GRIN2A: variants seen among roughly 807,000 people sequenced by gnomAD.
The protein encoded by GRIN2A is glutamate ionotropic receptor NMDA type subunit 2A.
A neutral mutation model predicts 113.4 loss-of-function variants in GRIN2A; 22 were observed. The observed-to-expected ratio is 0.19, with a 90% CI of 0.14 to 0.28. GRIN2A has a LOEUF of 0.28. Among genes scored for constraint, GRIN2A ranks in the 10% least tolerant of loss-of-function variants. GRIN2A has a pLI of 1.00. For missense variants in GRIN2A, 1,502 were observed against 1,887.0 expected, an observed-to-expected ratio of 0.80 and a Z score of 3.78; for synonymous variants, 827 against 738.4, an observed-to-expected ratio of 1.12 and a Z score of -1.94.
At chr16:9,835,442 A>T (rs1245139829) in intron 7 of GRIN2A, among the ~76,000 whole-genome samples, 13 of 152,290 alleles carry the variant, frequency 8.5e-5, no homozygotes, top group Non-Finnish European at 1.8e-4. Context: ...ATTACTATTC[A>T]ACTTGATTGA....
chr16:10,028,601 T>C lies in GRIN2A; in HGVS notation c.415-90050A>G, dbSNP rs574434196. Among the ~76,000 whole-genome samples the C allele has an allele frequency of 5.8e-3, 884 of 152,284 alleles. 4 individuals carry two copies. Among genetic ancestry groups the C allele is most frequent in the Non-Finnish European group, 7.8e-3 (529 of 68,030 alleles). On this transcript the variant is annotated intron_variant, in intron 2 of 12. Transcript: ENST00000330684. ...GAGCCACAAGATAGTGGAGACTGAC[T>C]TCTTAAATCCCCACATGAAGAGAAG...
At chr16:9,987,374 C>G (rs1567218728) in intron 2 of GRIN2A, among the ~76,000 whole-genome samples, 1 of 151,460 alleles carries the variant, frequency 6.6e-6, no homozygotes, top group East Asian at 1.9e-4. Flanking sequence ...ACTATGGAAG[C>G]AAAAAAAATG....
chr16:10,018,089 C>T (rs1054644776), intron 2 of GRIN2A, among the ~76,000 whole-genome samples: 1 of 152,242 alleles, frequency 6.6e-6, no homozygotes, highest in Middle Eastern at 3.4e-3. Context: ...CAATTTTCTA[C>T]GATGAGAGTA....
chr16:10,156,889 C>T (rs886792388), intron 2 of GRIN2A, among the ~76,000 whole-genome samples: 3 of 152,078 alleles, frequency 2.0e-5, no homozygotes, highest in African/African-American at 4.8e-5. Flanking sequence ...AAGAACTCAG[C>T]GATGGAGCTA....
At chr16:10,166,623 C>T (rs1189302832) in intron 2 of GRIN2A, among the ~76,000 whole-genome samples, 3 of 152,186 alleles carry the variant, frequency 2.0e-5, no homozygotes, top group Non-Finnish European at 2.9e-5. Context: ...TGAGTCTCTC[C>T]AGCTAGATTC....
chr16:9,857,301 G>C (rs2042985993), intron 4 of GRIN2A, among the ~76,000 whole-genome samples: 1 of 152,148 alleles, frequency 6.6e-6, no homozygotes, highest in South Asian at 2.1e-4. Context: ...GGTTTTAGTT[G>C]ACAATAATAT....
At chr16:10,160,779 A>G (rs536048989) in intron 2 of GRIN2A, among the ~76,000 whole-genome samples, 1 of 152,316 alleles carries the variant, frequency 6.6e-6, no homozygotes, top group African/African-American at 2.4e-5. Context: ...GCTCACTGTT[A>G]ATTTGCTCTT....
chr16:9,913,223 A>G (rs2044179978), intron 3 of GRIN2A, among the ~76,000 whole-genome samples: 1 of 152,254 alleles, frequency 6.6e-6, no homozygotes, highest in Non-Finnish European at 1.5e-5. Context: ...GCAGTCCTTT[A>G]AAACTCTGAA....
At chr16:9,824,246 G>A (rs1304432761) in intron 9 of GRIN2A, among the ~76,000 whole-genome samples, 1 of 152,208 alleles carries the variant, frequency 6.6e-6, no homozygotes, top group Non-Finnish European at 1.5e-5. Flanking sequence ...GTGCATGTGT[G>A]TGTATGTGAA....
intron 11 of GRIN2A, among the ~76,000 whole-genome samples, chr16:9,782,445 CT>C (rs1901992331): frequency 6.6e-6 from 1 of 152,114 alleles, no homozygotes; most frequent in African/African-American, 2.4e-5. Context: ...AATATATTGC[CT>C]TTCCAAATTA....
At chr16:9,854,933 C>T (rs1460955271) in intron 4 of GRIN2A, among the ~76,000 whole-genome samples, 2 of 151,962 alleles carry the variant, frequency 1.3e-5, no homozygotes, top group African/African-American at 2.4e-5. Context: ...AATGAAGTTC[C>T]AGGACACCTT....
intron 3 of GRIN2A, among the ~76,000 whole-genome samples, chr16:9,921,058 G>A (rs2044349609): frequency 6.6e-6 from 1 of 152,102 alleles, no homozygotes; most frequent in African/African-American, 2.4e-5. Flanking sequence ...GGGAGTTGAT[G>A]GTTCTGCATT....
In GRIN2A at chr16:9,768,949, T is replaced by C. The variant is rs774656858; in HGVS notation, c.2497A>G (p.Ile833Val). 10 of 1,614,128 alleles carry C rather than the reference T, an allele frequency of 6.2e-6. No homozygotes were observed. The South Asian group carries it at 1.1e-4, about 18-fold the overall frequency. Residue 833 changes from isoleucine (I) to valine (V), a missense_variant, in exon 12 of 13, where the codon ATC becomes GTC. Physicochemically the swap from Ile to Val is conservative, Grantham distance 29 (BLOSUM62 3). Coordinates refer to ENST00000330684, the MANE Select transcript of GRIN2A (RefSeq NM_001134407.3). ...AAGAGGTGCTCCCAGATGAAGGTGA[T>C]GAGGCTAAGGGCCATGGCGGCAGCC... ...MLAAAMALSL[I>V]TFIWEHLFYW... is the part of the protein sequence containing the mutation.
chr16:10,125,956 T>C (rs1169003900), intron 2 of GRIN2A, among the ~76,000 whole-genome samples: 1 of 151,590 alleles, frequency 6.6e-6, no homozygotes, highest in East Asian at 1.9e-4. Flanking sequence ...GGCCAGGAGG[T>C]GGGAGACAAA....
At chr16:10,162,625 C>T (rs1260538537) in intron 2 of GRIN2A, among the ~76,000 whole-genome samples, 1 of 152,192 alleles carries the variant, frequency 6.6e-6, no homozygotes. Context: ...CTTATAAGGA[C>T]ACCAGTCATG....
At chr16:9,989,717 G>A (rs2046063163) in intron 2 of GRIN2A, among the ~76,000 whole-genome samples, 1 of 151,990 alleles carries the variant, frequency 6.6e-6, no homozygotes, top group African/African-American at 2.4e-5. Flanking sequence ...TTAAAATCAG[G>A]CAAAGGACAT....
At chr16:9,954,435 T>C (rs1014843222) in intron 2 of GRIN2A, among the ~76,000 whole-genome samples, 6 of 152,208 alleles carry the variant, frequency 3.9e-5, no homozygotes, top group Non-Finnish European at 7.3e-5. Flanking sequence ...CATCTTGCTG[T>C]TGATGTCTCC....
chr16:9,940,940 T>C (rs2044859653), intron 2 of GRIN2A, among the ~76,000 whole-genome samples: 2 of 152,178 alleles, frequency 1.3e-5, no homozygotes, highest in South Asian at 4.1e-4. Flanking sequence ...AAGGCAATTA[T>C]ATTCGCCAAC....
In GRIN2A at chr16:9,821,848, G is replaced by GT. The variant is rs530481173; in HGVS notation, c.2168+415dup. Among the ~76,000 whole-genome samples, 252 of 152,226 alleles carry GT rather than the reference G, an allele frequency of 1.7e-3. 1 individual carries two copies. Among genetic ancestry groups the GT allele is most frequent in the African/African-American group, 5.6e-3 (234 of 41,536 alleles). ...CTCTTTCATCAATGTTATACAATTA[G>GT]TTTTTTCATAAAGCTCCTACTAGCA... On this transcript the variant is annotated intron_variant, in intron 10 of 12. Coordinates refer to ENST00000330684, the MANE Select transcript of GRIN2A (RefSeq NM_001134407.3).
Sources: gnomAD v4.1 joint callset for allele counts (sites outside exome capture counted in the v4.1 genomes callset) on GRCh38, gnomAD v4.1.1 for gene constraint, MANE v1.5 for transcripts, NCBI Gene and HGNC (gene_info 2026-07-23, HGNC 2026-07-21) for gene names.